The following CDH12 variants were observed in gnomAD, a reference collection of about 807,000 sequenced individuals.
CDH12 encodes cadherin 12.
In CDH12, 41 loss-of-function variants were observed where a neutral mutation model predicts 74.1. That is an observed-to-expected ratio of 0.55 (90% CI 0.43 to 0.72). The LOEUF (loss-of-function observed/expected upper bound fraction) is 0.72, where lower values mean the gene tolerates loss of function less well. Among genes scored for constraint, CDH12 ranks in the 30% least tolerant of loss-of-function variants. The pLI is 0.00. For synonymous variants in CDH12, 399 were observed against 355.0 expected, an observed-to-expected ratio of 1.12 and a Z score of -1.39; for missense variants, 945 against 977.2, an observed-to-expected ratio of 0.97 and a Z score of 0.44.
chr5:21,858,444 T>A (rs1750865646), intron 6 of CDH12, among the ~76,000 whole-genome samples: 1 of 151,942 alleles, frequency 6.6e-6, no homozygotes, highest in African/African-American at 2.4e-5. Flanking sequence ...ATAAAAAGTA[T>A]AATGTTTCAC....
intron 1 of CDH12, among the ~76,000 whole-genome samples, chr5:22,562,771 G>A (rs964228832): frequency 6.0e-5 from 9 of 151,158 alleles, no homozygotes; most frequent in Non-Finnish European, 1.3e-4. Context: ...GGAAGAAAGA[G>A]AGACAAAACA....
At chr5:22,822,183 A>G (rs1749739435) in intron 1 of CDH12, among the ~76,000 whole-genome samples, 1 of 152,082 alleles carries the variant, frequency 6.6e-6, no homozygotes, top group Non-Finnish European at 1.5e-5. Flanking sequence ...AGCCATATGT[A>G]GAAAGCTGAA....
At chr5:22,551,436 G>A (rs1251182154) in intron 1 of CDH12, among the ~76,000 whole-genome samples, 3 of 152,166 alleles carry the variant, frequency 2.0e-5, no homozygotes, top group South Asian at 2.1e-4. Context: ...AAGGAGACAA[G>A]CTCAGATCAG....
chr5:22,494,138 C>T (rs751987878), intron 2 of CDH12, among the ~76,000 whole-genome samples: 1 of 152,228 alleles, frequency 6.6e-6, no homozygotes, highest in Non-Finnish European at 1.5e-5. Flanking sequence ...TTTTGTTCGA[C>T]ATTGTTTCAT....
chr5:22,802,677 T>G (rs1433420181), intron 1 of CDH12, among the ~76,000 whole-genome samples: 1 of 152,102 alleles, frequency 6.6e-6, no homozygotes, highest in Non-Finnish European at 1.5e-5. Context: ...ATCCCAGGAA[T>G]ACCATCAGTT....
rs1245498739 is a variant in CDH12 at position 22,581,103 on chromosome 5, G to A, written c.-522-75739C>T. ...AAATTTAAACCAGCTGCAGAAATTT[G>A]CATATGTCACAAGGAGTCAAATATG... On this transcript the variant is annotated intron_variant, in intron 1 of 14. Coordinates refer to ENST00000382254, the MANE Select transcript of CDH12 (RefSeq NM_004061.5). Among the ~76,000 whole-genome samples, 4 of 152,188 alleles carry A rather than the reference G, an allele frequency of 2.6e-5. No homozygotes were observed. In the East Asian group the frequency reaches 7.7e-4, roughly 29 times the overall value.
intron 3 of CDH12, among the ~76,000 whole-genome samples, chr5:22,362,461 G>T (rs532443052): frequency 1.6e-4 from 24 of 152,218 alleles, no homozygotes; most frequent in Non-Finnish European, 3.5e-4. Context: ...GGAGAAATAG[G>T]AACACTTTTA....
intron 4 of CDH12, among the ~76,000 whole-genome samples, chr5:22,186,862 T>C (rs766568832): frequency 2.6e-5 from 4 of 152,112 alleles, no homozygotes; most frequent in Non-Finnish European, 5.9e-5. Flanking sequence ...ATACTTCCAA[T>C]GTGGAGTAAA....
intron 12 of CDH12, among the ~76,000 whole-genome samples, chr5:21,760,997 T>TA (rs1222427875): frequency 6.6e-6 from 1 of 152,136 alleles, no homozygotes; most frequent in Non-Finnish European, 1.5e-5. Flanking sequence ...TTAGATGAAA[T>TA]AAATGCTTTC....
intron 6 of CDH12, among the ~76,000 whole-genome samples, chr5:21,865,840 T>C (rs950371958): frequency 6.6e-6 from 1 of 152,180 alleles, no homozygotes; most frequent in Non-Finnish European, 1.5e-5. Context: ...CAATGCCCTA[T>C]ACATCTGTAC....
chr5:22,237,227 G>C (rs1404597008), intron 3 of CDH12, among the ~76,000 whole-genome samples: 1 of 152,098 alleles, frequency 6.6e-6, no homozygotes, highest in Non-Finnish European at 1.5e-5. Flanking sequence ...TGATGTCGAT[G>C]TGGTCTGTCA....
intron 4 of CDH12, among the ~76,000 whole-genome samples, chr5:22,207,202 G>A (rs1276687865): frequency 2.4e-5 from 3 of 124,272 alleles, no homozygotes; most frequent in African/African-American, 9.4e-5. Context: ...CTGGGCGACA[G>A]AGCAAGACTG....
At chr5:22,843,543 T>G (rs142812275) in intron 1 of CDH12, among the ~76,000 whole-genome samples, 1 of 152,160 alleles carries the variant, frequency 6.6e-6, no homozygotes. Flanking sequence ...CAAAAGAGTT[T>G]ATTACCTTCT....
intron 2 of CDH12, among the ~76,000 whole-genome samples, chr5:22,421,384 G>C (rs1743645522): frequency 6.6e-6 from 1 of 152,022 alleles, no homozygotes; most frequent in Admixed American, 6.6e-5. Flanking sequence ...TCCCTTCCCT[G>C]TGTCCATGTG....
chr5:22,823,683 G>A (rs1749848889), intron 1 of CDH12, among the ~76,000 whole-genome samples: 1 of 152,078 alleles, frequency 6.6e-6, no homozygotes, highest in African/African-American at 2.4e-5. Flanking sequence ...GAGGTGATTG[G>A]ATCATGGGGG....
intron 5 of CDH12, among the ~76,000 whole-genome samples, chr5:22,004,039 C>A (rs1177475138): frequency 1.3e-5 from 2 of 152,044 alleles, no homozygotes; most frequent in African/African-American, 2.4e-5. Flanking sequence ...ACAGGAGGGT[C>A]TGATGCTGAA....
intron 6 of CDH12, among the ~76,000 whole-genome samples, chr5:21,861,119 T>C (rs534394226): frequency 7.9e-5 from 12 of 152,094 alleles, no homozygotes; most frequent in African/African-American, 2.9e-4. Context: ...AAAAATCAGA[T>C]GGAAGAGGTG....
intron 4 of CDH12, among the ~76,000 whole-genome samples, chr5:22,154,967 T>G (rs972738640): frequency 6.6e-6 from 1 of 152,116 alleles, no homozygotes; most frequent in Non-Finnish European, 1.5e-5. Context: ...GCAGCATTTG[T>G]TTCCTTGTGG....
chr5:21,804,643 A>AAAAAAAT (rs1554032478), intron 9 of CDH12, among the ~76,000 whole-genome samples: 2 of 115,272 alleles, frequency 1.7e-5, no homozygotes, highest in African/African-American at 6.4e-5. Flanking sequence ...AGTGAATTAA[A>AAAAAAAT]ACACACACAC....
Sources: gnomAD v4.1 joint callset for allele counts (sites outside exome capture counted in the v4.1 genomes callset) on GRCh38, gnomAD v4.1.1 for gene constraint, MANE v1.5 for transcripts, NCBI Gene and HGNC (gene_info 2026-07-23, HGNC 2026-07-21) for gene names.